The following LUZP2 variants were observed in gnomAD, a reference collection of about 807,000 sequenced individuals.
The protein encoded by LUZP2 is leucine zipper protein 2.
Under a neutral mutation model 51.6 loss-of-function variants are expected in LUZP2, and 52 were observed. The observed-to-expected ratio is 1.01, with a 90% CI of 0.81 to 1.27. The LOEUF (loss-of-function observed/expected upper bound fraction) is 1.27. LUZP2 is among the 50% of genes most tolerant of loss of function. The pLI, the probability that LUZP2 is intolerant of heterozygous loss-of-function variation, is 0.00. For synonymous variants in LUZP2, 154 were observed against 137.3 expected (o/e 1.12, Z -0.85); for missense variants, 436 against 395.4 (o/e 1.10, Z -0.87).
intron 1 of LUZP2, among the ~76,000 whole-genome samples, chr11:24,590,149 A>G (rs1406563820): frequency 3.3e-5 from 5 of 152,166 alleles, no homozygotes; most frequent in Admixed American, 1.3e-4. Context: ...TTACAGTAGA[A>G]TCATCTCCTC....
intron 4 of LUZP2, among the ~76,000 whole-genome samples, chr11:24,755,685 T>G (rs1398087024): frequency 6.6e-6 from 1 of 152,098 alleles, no homozygotes; most frequent in Non-Finnish European, 1.5e-5. Context: ...ACTCTTTCTT[T>G]TGGATTTTAG....
In LUZP2 at chr11:24,572,289, A is replaced by C. The variant is rs1852468904; in HGVS notation, c.62+74984A>C. On this transcript the variant is annotated intron_variant, in intron 1 of 11. Transcript: ENST00000336930. ...AATTTATTTAAGATATAATCTACAGACTCAATTTGTTAGTTTAGACTTTAC... is the reference window on the plus strand; with the variant it reads ...AATTTATTTAAGATATAATCTACAGCCTCAATTTGTTAGTTTAGACTTTAC... Among the ~76,000 whole-genome samples, 3 of 151,950 alleles carry C rather than the reference A, an allele frequency of 2.0e-5. 1 individual carries two copies. In the South Asian group the frequency reaches 6.2e-4, roughly 32 times the overall value.
At chr11:24,559,810 G>T (rs905954390) in intron 1 of LUZP2, among the ~76,000 whole-genome samples, 3 of 152,138 alleles carry the variant, frequency 2.0e-5, no homozygotes, top group African/African-American at 4.8e-5. Flanking sequence ...TATAGAAAGG[G>T]ATAAACATTT....
intron 10 of LUZP2, among the ~76,000 whole-genome samples, chr11:25,076,193 T>TTTGTTC (rs1207157304): frequency 6.6e-6 from 1 of 151,664 alleles, no homozygotes; most frequent in Non-Finnish European, 1.5e-5. Flanking sequence ...TGCTTTTGTT[T>TTTGTTC]TTGTTCTTGT....
intron 5 of LUZP2, among the ~76,000 whole-genome samples, chr11:24,772,371 A>G (rs1860454078): frequency 6.6e-6 from 1 of 152,214 alleles, no homozygotes; most frequent in African/African-American, 2.4e-5. Context: ...AGAGTGCTTC[A>G]GGGTCACTAT....
intron 5 of LUZP2, among the ~76,000 whole-genome samples, chr11:24,901,987 G>C (rs966546666): frequency 6.6e-6 from 1 of 151,804 alleles, no homozygotes; most frequent in East Asian, 1.9e-4. Context: ...GTAATATTTT[G>C]GTCTCCCTTA....
chr11:24,622,124 T>G (rs1854516036), intron 1 of LUZP2, among the ~76,000 whole-genome samples: 1 of 151,906 alleles, frequency 6.6e-6, no homozygotes, highest in Non-Finnish European at 1.5e-5. Flanking sequence ...TATTTCTTTT[T>G]TTTTTAATGT....
At chr11:25,045,067 G>T (rs1291740995) in intron 9 of LUZP2, among the ~76,000 whole-genome samples, 1 of 23,228 alleles carries the variant, frequency 4.3e-5, no homozygotes, top group Admixed American at 2.4e-4. Flanking sequence ...TGTGCGGTGG[G>T]GGGAGGGGAG....
intron 5 of LUZP2, among the ~76,000 whole-genome samples, chr11:24,904,830 G>T (rs886784766): frequency 6.6e-6 from 1 of 151,876 alleles, no homozygotes; most frequent in Non-Finnish European, 1.5e-5. Flanking sequence ...TGGTTAAATG[G>T]ACTAAAAAAA....
intron 1 of LUZP2, among the ~76,000 whole-genome samples, chr11:24,536,327 C>G (rs1290598607): frequency 6.6e-6 from 1 of 151,816 alleles, no homozygotes; most frequent in Non-Finnish European, 1.5e-5. Flanking sequence ...TTTCTCTTCT[C>G]TAGCTATGAA....
intron 1 of LUZP2, among the ~76,000 whole-genome samples, chr11:24,522,442 T>A (rs1227893277): frequency 6.6e-6 from 1 of 152,020 alleles, no homozygotes; most frequent in Non-Finnish European, 1.5e-5. Flanking sequence ...CACTTTGGAG[T>A]CTAAGTGCAT....
At chr11:24,981,022 G>A (rs1856013070) in intron 8 of LUZP2, among the ~76,000 whole-genome samples, 2 of 151,854 alleles carry the variant, frequency 1.3e-5, no homozygotes, top group African/African-American at 4.8e-5. Flanking sequence ...GCTGTACATG[G>A]TTTACATCAT....
chr11:24,740,314 A>G (rs1859090861), intron 4 of LUZP2, among the ~76,000 whole-genome samples: 2 of 152,162 alleles, frequency 1.3e-5, no homozygotes, highest in African/African-American at 4.8e-5. Flanking sequence ...CTTTTGAAAG[A>G]GCACAAACCA....
At chr11:24,500,047 C>T (rs7928417) in intron 1 of LUZP2, among the ~76,000 whole-genome samples, 44,244 of 151,916 alleles carry the variant, frequency 0.29, 6,646 homozygotes, top group East Asian at 0.45. Context: ...TCTCTTTTTG[C>T]TTGTTCCTCC....
rs529029004 is a variant in LUZP2 at position 24,819,805 on chromosome 11, A to G, written c.396+56497A>G. ...AGCAATAGTATACATTGTAGAGTTA[A>G]GTTTTACAGTTGTGTACATTTAAAT... is the stretch of plus-strand genomic sequence containing the variant. On this transcript the variant is annotated intron_variant, in intron 5 of 11. Coordinates refer to ENST00000336930, the MANE Select transcript of LUZP2 (RefSeq NM_001009909.4). 2.0e-4 allele frequency among the ~76,000 whole-genome samples: 30 copies of G among 152,218 alleles called. No homozygotes were observed. The Middle Eastern group carries it at 0.01, about 52-fold the overall frequency.
At position 24,604,471 on chromosome 11, in the gene LUZP2, C is replaced by G. The variant is rs1853845272; in HGVS notation, c.62+107166C>G. On this transcript the variant is annotated intron_variant, in intron 1 of 11. Coordinates refer to ENST00000336930, the MANE Select transcript of LUZP2 (RefSeq NM_001009909.4). ...ATAATAATATTAAAACACCGTTTAG[C>G]TTTCTTTCCTAGTATGCAATTTTTT... 2.0e-5 allele frequency among the ~76,000 whole-genome samples: 3 copies of G among 151,848 alleles called. No individual in the cohort carries two copies. In the South Asian group the frequency reaches 6.2e-4, roughly 31 times the overall value.
intron 5 of LUZP2, among the ~76,000 whole-genome samples, chr11:24,777,307 ACT>A (rs1449682190): frequency 6.6e-6 from 1 of 152,108 alleles, no homozygotes; most frequent in Non-Finnish European, 1.5e-5. Context: ...AGTAGTCTTT[ACT>A]TAAGTATAGA....
intron 5 of LUZP2, among the ~76,000 whole-genome samples, chr11:24,877,684 A>G (rs1269295120): frequency 6.6e-6 from 1 of 152,086 alleles, no homozygotes; most frequent in Non-Finnish European, 1.5e-5. Context: ...ACTAAGTCTT[A>G]TTCAGTTTTT....
At chr11:24,690,722 T>G (rs1810399790) in intron 1 of LUZP2, among the ~76,000 whole-genome samples, 1 of 152,072 alleles carries the variant, frequency 6.6e-6, no homozygotes, top group South Asian at 2.1e-4. Flanking sequence ...CCAACTGTAG[T>G]GAGAATAGTA....
Sources: allele counts gnomAD v4.1 joint callset (sites outside exome capture counted in the v4.1 genomes callset), GRCh38; gene constraint gnomAD v4.1.1; transcripts MANE v1.5; gene names NCBI Gene and HGNC (gene_info 2026-07-23, HGNC 2026-07-21).